The following MGST2 variants were observed in gnomAD, a reference collection of about 807,000 sequenced individuals.
The protein encoded by MGST2 is glutathione peroxidase MGST2.
A neutral mutation model predicts 16.6 loss-of-function variants in MGST2; 9 were observed. The observed-to-expected ratio is 0.54, with a 90% CI of 0.33 to 0.95. The LOEUF is 0.95. MGST2 is among the 40% of genes least tolerant of loss of function. The pLI is 0.03. For missense variants in MGST2, 159 were observed against 175.1 expected (o/e 0.91, Z 0.52); for synonymous variants, 79 against 68.0 (o/e 1.16, Z -0.79).
At chr4:139,709,631 C>T (rs1035888928) in intron 5 of MGST2, among the ~76,000 whole-genome samples, 4 of 152,022 alleles carry the variant, frequency 2.6e-5, no homozygotes, top group Non-Finnish European at 5.9e-5. Flanking sequence ...TATAGGTATT[C>T]GTTGTATTAT....
At chr4:139,752,538 G>T in the MGST2 span, among the ~76,000 whole-genome samples, 3 of 152,186 alleles carry the variant, frequency 2.0e-5, no homozygotes, top group African/African-American at 7.2e-5. Flanking sequence ...GGATGGCTGG[G>T]AAAGTGGCTG....
chr4:139,702,844 GTTTTTTTTTTTTTTTTT>G (rs70943436), intron 3 of MGST2, among the ~76,000 whole-genome samples: 1 of 46,424 alleles, frequency 2.2e-5, no homozygotes, highest in African/African-American at 6.2e-5. Flanking sequence ...TGTGTTACTG[GTTTTTTTTTTTTTTTTT>G]TTTTTTTTTA....
intron 5 of MGST2, chr4:139,719,765 G>T: frequency 6.2e-7 from 1 of 1,613,718 alleles, no homozygotes; most frequent in Non-Finnish European, 8.5e-7. Flanking sequence ...CGGCTGCCCA[G>T]CTTGAAGAGG....
intron 2 of MGST2, chr4:139,678,861 A>C (rs1161840368): frequency 3.4e-6 from 2 of 592,276 alleles, no homozygotes; most frequent in Middle Eastern, 4.5e-4. Flanking sequence ...TCAGCAGGGT[A>C]TATTTACAGA....
chr4:139,699,293 TTCTC>T (rs1262198167), intron 3 of MGST2, among the ~76,000 whole-genome samples: 1 of 152,252 alleles, frequency 6.6e-6, no homozygotes, highest in East Asian at 1.9e-4. Context: ...TTGTTTACAT[TTCTC>T]TCAACTACAA....
the MGST2 span, among the ~76,000 whole-genome samples, chr4:139,753,805 CG>C: frequency 6.6e-6 from 1 of 152,142 alleles, no homozygotes; most frequent in African/African-American, 2.4e-5. Flanking sequence ...CCAGACACAG[CG>C]CTGGACACCA....
chr4:139,730,693 G>A, intron 5 of MGST2: 3 of 1,593,738 alleles, frequency 1.9e-6, no homozygotes, highest in Non-Finnish European at 2.6e-6. Context: ...AGAGGGAGAT[G>A]CAGGGATTCC....
chr4:139,668,502 A>G (rs961180487), intron 1 of MGST2, among the ~76,000 whole-genome samples: 1 of 152,070 alleles, frequency 6.6e-6, no homozygotes, highest in Non-Finnish European at 1.5e-5. Flanking sequence ...ATGTGATGCT[A>G]TACTGGAGTC....
At chr4:139,691,163 T>C (rs1307121206) in intron 2 of MGST2, among the ~76,000 whole-genome samples, 1 of 152,230 alleles carries the variant, frequency 6.6e-6, no homozygotes, top group Non-Finnish European at 1.5e-5. Context: ...AGCCTGTTTT[T>C]CCAGTATGGA....
At chr4:139,678,911 G>A (rs1183347644) in intron 2 of MGST2, 3 of 530,798 alleles carry the variant, frequency 5.7e-6, no homozygotes, top group African/African-American at 1.9e-5. Flanking sequence ...TGTCTCCCAA[G>A]GAGGGTCACT....
chr4:139,698,318 A>C (rs549717107), intron 3 of MGST2: 18 of 1,511,224 alleles, frequency 1.2e-5, no homozygotes, highest in Middle Eastern at 4.1e-4. Context: ...GATCTGTTTT[A>C]AAGTCCTGAG....
chr4:139,727,583 C>G (rs997504454), intron 5 of MGST2, among the ~76,000 whole-genome samples: 1 of 152,160 alleles, frequency 6.6e-6, no homozygotes, highest in Non-Finnish European at 1.5e-5. Flanking sequence ...CTCAGTTCCT[C>G]ATTTGTAAAA....
chr4:139,707,364 C>T (rs1343888457), downstream of MGST2, among the ~76,000 whole-genome samples: 5 of 151,904 alleles, frequency 3.3e-5, no homozygotes, highest in African/African-American at 4.8e-5. Context: ...ATCCATGTCC[C>T]TACAAAGGAC....
rs144083403 is a variant in MGST2, at chr4:139,703,505, T to A, written c.280T>A (p.Phe94Ile). The change falls in exon 4 of 5, where the codon TTC becomes ATC. Residue 94 changes from phenylalanine (F) to isoleucine (I), a missense_variant. By Grantham distance (21) the Phe-to-Ile change is conservative. Coordinates refer to ENST00000265498, the MANE Select transcript of MGST2 (RefSeq NM_002413.5). ...GTACATATATGGCCGTCACCTATAC[T>A]TCTGGGGATATTCAGAAGCTGCTAA... ...LVYIYGRHLY[F>I]WGYSEAAKKR... The A allele has an allele frequency of 1.2e-5, 20 of 1,613,978 alleles. No homozygotes were observed. The highest frequency in any genetic ancestry group is 1.6e-5 in the Non-Finnish European group (19 of 1,180,000).
At chr4:139,686,481 C>T (rs1731577494) in intron 2 of MGST2, among the ~76,000 whole-genome samples, 1 of 152,110 alleles carries the variant, frequency 6.6e-6, no homozygotes. Context: ...TTAAAAGAGC[C>T]CTGGCTGAGG....
In MGST2 at chr4:139,735,476, G is replaced by T. The variant is rs187107499; in HGVS notation, c.*49-4736G>T. Among the ~76,000 whole-genome samples the T allele has an allele frequency of 1.2e-3, 178 of 151,890 alleles. No individual in the cohort carries two copies. Among genetic ancestry groups the T allele is most frequent in the African/African-American group, 3.9e-3 (162 of 41,456 alleles). On this transcript the variant is annotated intron_variant, in intron 5 of 5. Coordinates refer to the MGST2 transcript ENST00000616265. The surrounding 1 kb of genome is among the most constrained non-coding windows in gnomAD (Gnocchi z 5.8). The stretch of plus-strand genomic sequence containing the variant: ...GGGGGCAGTGGCGACCTCCGGGGGG[G>T]GAGGGTGGCGGACACCAGACCCCAG...
chr4:139,666,742 T>G (rs963960158), intron 1 of MGST2, among the ~76,000 whole-genome samples: 6 of 152,074 alleles, frequency 3.9e-5, no homozygotes, highest in Non-Finnish European at 8.8e-5. Context: ...GGGAAAGGGG[T>G]CCGAGTGCAA....
intron 1 of MGST2, among the ~76,000 whole-genome samples, chr4:139,676,670 G>C (rs1228772649): frequency 2.0e-5 from 3 of 152,154 alleles, no homozygotes; most frequent in Admixed American, 2.0e-4. Context: ...CATTTAGGCT[G>C]GTGTTTGACC....
intron 1 of MGST2, among the ~76,000 whole-genome samples, chr4:139,670,710 C>A (rs949197074): frequency 4.6e-5 from 7 of 151,982 alleles, no homozygotes; most frequent in Non-Finnish European, 1.0e-4. Context: ...CCCAGGAGTT[C>A]AAGACCAGCC....
Sources: allele counts gnomAD v4.1 joint callset (sites outside exome capture counted in the v4.1 genomes callset), GRCh38; gene constraint gnomAD v4.1.1; non-coding constraint Gnocchi (gnomAD v3.1); transcripts MANE v1.5; gene names NCBI Gene and HGNC (gene_info 2026-07-23, HGNC 2026-07-21).